ADK: variants seen among roughly 807,000 people sequenced by gnomAD.
ADK encodes the protein N6,N6-dimethyladenosine kinase.
A neutral mutation model predicts 44.7 loss-of-function variants in ADK; 24 were observed. The observed-to-expected ratio is 0.54, with a 90% CI of 0.39 to 0.76. The LOEUF (loss-of-function observed/expected upper bound fraction) is 0.76. Among genes scored for constraint, ADK ranks in the 30% least tolerant of loss-of-function variants. ADK has a pLI of 0.00. For missense variants in ADK, 321 were observed against 425.1 expected (o/e 0.76, Z 2.15); for synonymous variants, 128 against 142.6 (o/e 0.90, Z 0.73).
chr10:74,512,078 A>G (rs1353798904), intron 6 of ADK, among the ~76,000 whole-genome samples: 1 of 152,118 alleles, frequency 6.6e-6, no homozygotes, highest in East Asian at 1.9e-4. Context: ...TTTGTCCTTC[A>G]TTCTATTGAT....
chr10:74,276,216 G>A (rs182012665), intron 3 of ADK, among the ~76,000 whole-genome samples: 4 of 152,194 alleles, frequency 2.6e-5, no homozygotes, highest in South Asian at 2.1e-4. Flanking sequence ...TGTGTAATAT[G>A]GGCCCTGTGA....
intron 7 of ADK, among the ~76,000 whole-genome samples, chr10:74,525,911 T>C (rs1849021011): frequency 6.6e-6 from 1 of 152,144 alleles, no homozygotes; most frequent in Non-Finnish European, 1.5e-5. Flanking sequence ...CGCCTCAGCC[T>C]CCCAAAGTGC....
At chr10:74,249,393 G>A (rs1845558699) in intron 3 of ADK, among the ~76,000 whole-genome samples, 1 of 152,064 alleles carries the variant, frequency 6.6e-6, no homozygotes, top group Non-Finnish European at 1.5e-5. Flanking sequence ...GTGTGTCACT[G>A]TGTCTATGCT....
At chr10:74,523,173 A>G (rs376629910) in intron 6 of ADK, among the ~76,000 whole-genome samples, 7 of 152,212 alleles carry the variant, frequency 4.6e-5, no homozygotes, top group African/African-American at 1.7e-4. Flanking sequence ...GGAAAAAACA[A>G]TAACTGAGTT....
chr10:74,493,590 C>G (rs930664205), intron 6 of ADK, among the ~76,000 whole-genome samples: 1 of 151,468 alleles, frequency 6.6e-6, no homozygotes, highest in African/African-American at 2.4e-5. Flanking sequence ...CCATATGTTG[C>G]CCAGGTTGGT....
At chr10:74,156,816 G>T (rs79471178) in intron 1 of ADK, among the ~76,000 whole-genome samples, 4,624 of 152,092 alleles carry the variant, frequency 0.03, 247 homozygotes, top group African/African-American at 0.11. Flanking sequence ...GTAATAGTAC[G>T]AACCTCATAA....
intron 9 of ADK, among the ~76,000 whole-genome samples, chr10:74,639,112 C>T (rs1204848895): frequency 2.0e-5 from 3 of 152,130 alleles, no homozygotes; most frequent in African/African-American, 7.2e-5. Flanking sequence ...CTCAGCTGAG[C>T]TCTAATTACT....
Position 74,589,307 on chromosome 10 carries a change from A to G in ADK, c.752A>G (p.Gln251Arg). 6.2e-7 allele frequency: 1 copy of G among 1,613,800 alleles called. No individual in the cohort carries two copies. The highest frequency in any genetic ancestry group is 8.5e-7 in the Non-Finnish European group (1 of 1,179,868). The change falls in exon 8 of 11, where the codon CAA becomes CGA. Residue 251 changes from glutamine (Q) to arginine (R), a missense_variant. Coordinates refer to ENST00000539909, the MANE Select transcript of ADK (RefSeq NM_006721.4). ...GAAGCTGCCACTTTTGCTAGAGAGC[A>G]AGGCTTTGAGGTGAGTTAACCCACA... is the stretch of plus-strand genomic sequence containing the variant. ...ETEAATFAREQGFETKDIKEI... is the reference protein window; with the variant it reads ...ETEAATFARERGFETKDIKEI...
intron 10 of ADK, among the ~76,000 whole-genome samples, chr10:74,700,667 C>A (rs527585857): frequency 1.3e-5 from 2 of 151,178 alleles, no homozygotes; most frequent in African/African-American, 4.8e-5. Context: ...AGAAAATGTA[C>A]ATACATCTGC....
At chr10:74,158,873 A>G (rs1841822892) in intron 1 of ADK, among the ~76,000 whole-genome samples, 1 of 152,212 alleles carries the variant, frequency 6.6e-6, no homozygotes. Context: ...AGTACAGTTG[A>G]TGTCACTGAG....
chr10:74,349,655 G>C (rs1456474794), intron 4 of ADK, among the ~76,000 whole-genome samples: 1 of 152,048 alleles, frequency 6.6e-6, no homozygotes, highest in East Asian at 1.9e-4. Flanking sequence ...TCGGTGTGCT[G>C]TATTCAGGAG....
intron 6 of ADK, among the ~76,000 whole-genome samples, chr10:74,412,945 C>G (rs1844237818): frequency 6.6e-6 from 1 of 152,098 alleles, no homozygotes. Flanking sequence ...GTAATCCCAG[C>G]TACTCAGGAG....
intron 4 of ADK, among the ~76,000 whole-genome samples, chr10:74,325,418 G>A (rs1840971650): frequency 6.6e-6 from 1 of 152,082 alleles, no homozygotes; most frequent in Non-Finnish European, 1.5e-5. Context: ...ATGAGATCTT[G>A]TTGTCTTCAA....
At chr10:74,342,580 C>A (rs2131878422) in intron 4 of ADK, among the ~76,000 whole-genome samples, 1 of 152,262 alleles carries the variant, frequency 6.6e-6, no homozygotes, top group South Asian at 2.1e-4. Context: ...CCACCTGATT[C>A]TCCTCCCTCA....
chr10:74,502,337 C>T (rs989131098), intron 6 of ADK, among the ~76,000 whole-genome samples: 4 of 151,774 alleles, frequency 2.6e-5, no homozygotes, highest in Admixed American at 2.6e-4. Flanking sequence ...TCCTTTGTGC[C>T]ACATATAAGA....
intron 6 of ADK, among the ~76,000 whole-genome samples, chr10:74,504,537 TAC>T (rs2133465474): frequency 6.6e-6 from 1 of 152,346 alleles, no homozygotes; most frequent in East Asian, 1.9e-4. Flanking sequence ...ATATGTATTA[TAC>T]AGTGTATTTT....
intron 9 of ADK, among the ~76,000 whole-genome samples, chr10:74,650,502 TTAAAA>T (rs1366710075): frequency 6.6e-5 from 10 of 152,300 alleles, no homozygotes; most frequent in African/African-American, 2.2e-4. Context: ...AAATGAGGTA[TTAAAA>T]TAGATGAACA....
At chr10:74,404,022 G>A (rs1241822422) in intron 6 of ADK, among the ~76,000 whole-genome samples, 1 of 151,988 alleles carries the variant, frequency 6.6e-6, no homozygotes, top group Admixed American at 6.6e-5. Flanking sequence ...GCACGTGCCT[G>A]CCACCATGCC....
intron 1 of ADK, among the ~76,000 whole-genome samples, chr10:74,197,181 A>T (rs1843185329): frequency 6.6e-6 from 1 of 152,162 alleles, no homozygotes. Context: ...TGCCCCAGGG[A>T]TCAATTCCAC....
Sources: allele counts gnomAD v4.1 joint callset (sites outside exome capture counted in the v4.1 genomes callset), GRCh38; gene constraint gnomAD v4.1.1; transcripts MANE v1.5; gene names NCBI Gene and HGNC (gene_info 2026-07-23, HGNC 2026-07-21).